ABCA13: variants seen among roughly 807,000 people sequenced by gnomAD.
ABCA13 encodes ATP-binding cassette sub-family A member 13.
ABCA13 carries 476 observed loss-of-function variants against 478.7 expected under a neutral mutation model. That is an observed-to-expected ratio of 0.99 (90% CI 0.92 to 1.07). The LOEUF (loss-of-function observed/expected upper bound fraction) is 1.07. ABCA13 is among the 50% of genes least tolerant of loss of function. The pLI, the probability that ABCA13 is intolerant of heterozygous loss-of-function variation, is 0.00. For missense variants in ABCA13, 6,060 were observed against 5,910.6 expected, an observed-to-expected ratio of 1.03 and a Z score of -0.83; for synonymous variants, 2,252 against 2,158.9, an observed-to-expected ratio of 1.04 and a Z score of -1.20.
intron 3 of ABCA13, among the ~76,000 whole-genome samples, chr7:48,215,921 TG>T (rs1156794197): frequency 6.6e-6 from 1 of 152,206 alleles, no homozygotes; most frequent in Non-Finnish European, 1.5e-5. Context: ...GGTTCATTCA[TG>T]TTGTAGCATC....
chr7:48,375,091 C>T (rs533815376), intron 34 of ABCA13, among the ~76,000 whole-genome samples: 19 of 152,188 alleles, frequency 1.2e-4, no homozygotes, highest in African/African-American at 1.7e-4. Context: ...CAGGGCTCCC[C>T]GTGATTCTAC....
At chr7:48,517,473 G>A (rs921622110) in intron 52 of ABCA13, among the ~76,000 whole-genome samples, 13 of 152,124 alleles carry the variant, frequency 8.5e-5, no homozygotes, top group African/African-American at 2.2e-4. Context: ...TGAGGTCAAC[G>A]CCACTCTCCA....
At chr7:48,319,982 A>G (rs1195474811) in intron 27 of ABCA13, among the ~76,000 whole-genome samples, 1 of 152,048 alleles carries the variant, frequency 6.6e-6, no homozygotes, top group East Asian at 1.9e-4. Context: ...ACACCCATCC[A>G]TATCCTTCCA....
chr7:48,335,590 C>T (rs184574490), intron 28 of ABCA13, 55 bp downstream of exon 28: 35 of 1,416,422 alleles, frequency 2.5e-5, no homozygotes, highest in African/African-American at 1.8e-4. Context: ...AGGGCATGTC[C>T]GAGACATCAG....
At chr7:48,233,175 CT>C (rs1217787744) in intron 7 of ABCA13, among the ~76,000 whole-genome samples, 1 of 151,882 alleles carries the variant, frequency 6.6e-6, no homozygotes, top group Non-Finnish European at 1.5e-5. Context: ...ATGGATTGTG[CT>C]TTTTTTTGTA....
At chr7:48,497,781 C>T (rs1830404634) in intron 48 of ABCA13, among the ~76,000 whole-genome samples, 1 of 152,116 alleles carries the variant, frequency 6.6e-6, no homozygotes, top group African/African-American at 2.4e-5. Flanking sequence ...GTCTGCTCCC[C>T]ATTGGGCCCT....
rs139424698 is a variant in ABCA13, at chr7:48,586,834, C to T, written c.14506-320C>T. 7.3e-3 allele frequency among the ~76,000 whole-genome samples: 1,111 copies of T among 152,120 alleles called. 8 individuals carry two copies. Among genetic ancestry groups the T allele is most frequent in the Non-Finnish European group, 8.1e-3 (549 of 68,006 alleles). The stretch of plus-strand genomic sequence containing the variant: ...CTTCTCAGTTTTCTTTTTGGCATAC[C>T]CTTCTCTGCTCACCTCAACATGCTT... On this transcript the variant is annotated intron_variant, in intron 56 of 61. Coordinates refer to ENST00000435803, the MANE Select transcript of ABCA13 (RefSeq NM_152701.5).
At chr7:48,594,089 C>G (rs756791516) in intron 57 of ABCA13, among the ~76,000 whole-genome samples, 10 of 152,030 alleles carry the variant, frequency 6.6e-5, no homozygotes, top group Non-Finnish European at 1.5e-4. Flanking sequence ...GTTCAAATGT[C>G]TATCTCTTTA....
intron 42 of ABCA13, among the ~76,000 whole-genome samples, chr7:48,443,388 C>G (rs1823883376): frequency 6.6e-6 from 1 of 152,206 alleles, no homozygotes; most frequent in South Asian, 2.1e-4. Context: ...TTGACTTGAT[C>G]TAGTGTAAAA....
chr7:48,193,193 T>C lies in ABCA13; in HGVS notation c.163+141T>C, dbSNP rs1797335557. ...TTCATTATGACAATAACAACATATC[T>C]GGAGTATATGTCAATAAGCCACAAT... On this transcript the variant is annotated intron_variant, in intron 2 of 61. Transcript: ENST00000435803. 10 of 660,084 alleles carry C rather than the reference T, an allele frequency of 1.5e-5. No homozygotes were observed. In the South Asian group the frequency reaches 2.0e-4, roughly 13 times the overall value. The allele number at this position is 660,084 out of a possible 1,614,324, so 40.9% of individuals were successfully genotyped here.
intron 21 of ABCA13, among the ~76,000 whole-genome samples, chr7:48,296,161 G>C (rs1799336055): frequency 6.6e-6 from 1 of 152,120 alleles, no homozygotes; most frequent in African/African-American, 2.4e-5. Flanking sequence ...AGGCTGATGT[G>C]GGAGAATCGC....
chr7:48,547,033 G>A (rs73694669), intron 55 of ABCA13, among the ~76,000 whole-genome samples: 4,213 of 151,852 alleles, frequency 0.028, 213 homozygotes, highest in African/African-American at 0.096. Flanking sequence ...ACATCAAAGT[G>A]ATTTTTATTC....
Position 48,429,914 on chromosome 7 carries a change from A to G in ABCA13, c.12565+2043A>G, listed in dbSNP as rs184998846. On this transcript the variant is annotated intron_variant, in intron 42 of 61. Coordinates refer to ENST00000435803, the MANE Select transcript of ABCA13 (RefSeq NM_152701.5). ...TTCCTGGGACAAATTCTACCCGGTC[A>G]TGTCATATATTGCTGGATTTTATTG... is the stretch of plus-strand genomic sequence containing the variant. Among the ~76,000 whole-genome samples the G allele has an allele frequency of 2.0e-5, 3 of 152,276 alleles. No homozygotes were observed. The East Asian group carries it at 5.8e-4, about 29-fold the overall frequency.
At chr7:48,247,573 T>A (rs999723823) in intron 13 of ABCA13, among the ~76,000 whole-genome samples, 1 of 151,982 alleles carries the variant, frequency 6.6e-6, no homozygotes, top group Non-Finnish European at 1.5e-5. Flanking sequence ...CTCCGTGGGG[T>A]GGTTCTTCTG....
chr7:48,367,601 G>C (rs942937656), intron 31 of ABCA13, among the ~76,000 whole-genome samples, 193 bp from the exon 32 acceptor site: 1 of 152,156 alleles, frequency 6.6e-6, no homozygotes, highest in Non-Finnish European at 1.5e-5. Flanking sequence ...TCCTTCATGG[G>C]TTCCTTCATG....
At chr7:48,536,496 A>G (rs1045101129) in intron 55 of ABCA13, among the ~76,000 whole-genome samples, 1 of 152,106 alleles carries the variant, frequency 6.6e-6, no homozygotes, top group East Asian at 1.9e-4. Context: ...AAAAATACAA[A>G]AATTACGTGG....
chr7:48,207,743 C>T (rs117332129), intron 3 of ABCA13, among the ~76,000 whole-genome samples: 5,852 of 152,050 alleles, frequency 0.038, 201 homozygotes, highest in Admixed American at 0.11. Context: ...TCCCATTCTG[C>T]GAGTTGTTTC....
chr7:48,291,885 C>A (rs368946971), intron 20 of ABCA13, among the ~76,000 whole-genome samples: 1 of 152,144 alleles, frequency 6.6e-6, no homozygotes, highest in Non-Finnish European at 1.5e-5. Flanking sequence ...CCCATCCCCA[C>A]GTCACTCAGC....
chr7:48,213,158 A>G (rs1785926863), intron 3 of ABCA13, among the ~76,000 whole-genome samples: 1 of 152,152 alleles, frequency 6.6e-6, no homozygotes, highest in African/African-American at 2.4e-5. Flanking sequence ...TTCTAGTAGC[A>G]TTTGTTGAAA....
Sources: gnomAD v4.1 joint callset for allele counts (sites outside exome capture counted in the v4.1 genomes callset) on GRCh38, gnomAD v4.1.1 for gene constraint, MANE v1.5 for transcripts, NCBI Gene and HGNC (gene_info 2026-07-23, HGNC 2026-07-21) for gene names.